PLEKHA7: variants seen among roughly 807,000 people sequenced by gnomAD.
PLEKHA7 encodes the protein pleckstrin homology domain-containing family A member 7.
PLEKHA7 carries 104 observed loss-of-function variants against 170.0 expected under a neutral mutation model. The observed-to-expected ratio is 0.61, with a 90% CI of 0.52 to 0.72. PLEKHA7 has a LOEUF of 0.72. PLEKHA7 is among the 30% of genes least tolerant of loss of function. The probability of loss-of-function intolerance (pLI) is 0.00; values close to 1 mark genes in which losing one functional copy is unlikely to be tolerated. For missense variants in PLEKHA7, 1,615 were observed against 1,671.7 expected (o/e 0.97, Z 0.59); for synonymous variants, 648 against 660.8 (o/e 0.98, Z 0.30).
chr11:16,822,783 G>A (rs1449544553), intron 10 of PLEKHA7, among the ~76,000 whole-genome samples: 1 of 152,130 alleles, frequency 6.6e-6, no homozygotes, highest in South Asian at 2.1e-4. Flanking sequence ...ATCACTGGGG[G>A]AAGAGGGATA....
intron 17 of PLEKHA7, among the ~76,000 whole-genome samples, chr11:16,797,057 A>T (rs1455181044): frequency 6.8e-6 from 1 of 146,972 alleles, no homozygotes; most frequent in African/African-American, 2.7e-5. Flanking sequence ...ATATCAATTA[A>T]AAAAAAATTA....
intron 3 of PLEKHA7, among the ~76,000 whole-genome samples, chr11:16,952,729 T>C (rs1478102797): frequency 6.6e-6 from 1 of 152,226 alleles, no homozygotes; most frequent in African/African-American, 2.4e-5. Context: ...CCCCAAAATC[T>C]GAAATCTAAA....
At chr11:17,007,246 A>G (rs954303876) in intron 3 of PLEKHA7, among the ~76,000 whole-genome samples, 20 of 152,224 alleles carry the variant, frequency 1.3e-4, no homozygotes, top group African/African-American at 4.8e-4. Flanking sequence ...TATATTCTAC[A>G]ATATAGAAAT....
At chr11:16,954,916 T>C (rs1326038437) in intron 3 of PLEKHA7, among the ~76,000 whole-genome samples, 1 of 152,068 alleles carries the variant, frequency 6.6e-6, no homozygotes, top group African/African-American at 2.4e-5. Flanking sequence ...GGTCTCAAAC[T>C]CCTGACCTCG....
intron 6 of PLEKHA7, among the ~76,000 whole-genome samples, chr11:16,853,835 G>C (rs909980745): frequency 2.3e-4 from 35 of 152,292 alleles, no homozygotes; most frequent in Non-Finnish European, 4.4e-4. Flanking sequence ...AGCTGCCATG[G>C]GGCCAGAGCT....
intron 3 of PLEKHA7, among the ~76,000 whole-genome samples, chr11:16,948,641 G>A (rs1861203945): frequency 1.1e-5 from 1 of 94,202 alleles, no homozygotes; most frequent in Non-Finnish European, 2.4e-5. Flanking sequence ...CACACAGAGT[G>A]AAGGAGGAAC....
At chr11:16,819,227 A>G (rs1850023522) in intron 10 of PLEKHA7, among the ~76,000 whole-genome samples, 1 of 152,118 alleles carries the variant, frequency 6.6e-6, no homozygotes, top group African/African-American at 2.4e-5. Flanking sequence ...CCTCCTGAGT[A>G]GCTGGGACTA....
intron 3 of PLEKHA7, among the ~76,000 whole-genome samples, chr11:16,962,109 C>T (rs761102016): frequency 1.3e-5 from 2 of 152,336 alleles, no homozygotes; most frequent in East Asian, 3.9e-4. Flanking sequence ...GTGCCCTGTG[C>T]TTCAGATGAG....
At chr11:16,973,155 T>G (rs1454421933) in intron 3 of PLEKHA7, among the ~76,000 whole-genome samples, 1 of 152,240 alleles carries the variant, frequency 6.6e-6, no homozygotes, top group Non-Finnish European at 1.5e-5. Flanking sequence ...TGTACTTTTA[T>G]GTACTTTATG....
At chr11:16,927,106 T>G (rs1319832718) in intron 3 of PLEKHA7, among the ~76,000 whole-genome samples, 1 of 152,150 alleles carries the variant, frequency 6.6e-6, no homozygotes, top group African/African-American at 2.4e-5. Context: ...GGGAATGGCT[T>G]GAGCCCAGGA....
chr11:16,813,355 C>T (rs550697988), intron 12 of PLEKHA7, 189 bp from the exon 13 acceptor site: 10 of 465,052 alleles, frequency 2.2e-5, no homozygotes, highest in Middle Eastern at 3.0e-4. Flanking sequence ...TTCAGCAGGG[C>T]GGATCTTGCA....
chr11:17,014,271 G>A lies in PLEKHA7; in HGVS notation c.86+45C>T, dbSNP rs1164931482. The A allele has an allele frequency of 5.8e-5, 43 of 736,542 alleles. 1 individual carries two copies. The East Asian group carries it at 1.5e-3, about 25-fold the overall frequency. The allele number at this position is 736,542 out of a possible 1,614,324, so 45.6% of individuals were successfully genotyped here. A position where few individuals can be genotyped will look rare whatever the true frequency, so the allele number is the denominator to read the frequency against. On this transcript the variant is annotated intron_variant, in intron 1 of 26. Transcript: ENST00000531066. ...GGGTGCCCGCCCGGCCCCCGCCCCCGCGCCCCCACCCGCGTCCCCGCGTCC... is the reference window on the plus strand; with the variant it reads ...GGGTGCCCGCCCGGCCCCCGCCCCCACGCCCCCACCCGCGTCCCCGCGTCC...
At chr11:16,855,503 T>G (rs1853361881) in intron 5 of PLEKHA7, 1 of 355,616 alleles carries the variant, frequency 2.8e-6, no homozygotes, top group Admixed American at 4.5e-5. Context: ...CTCTCCAGGC[T>G]TGCTTTAACA....
At chr11:16,837,043 C>T (rs58555284) in intron 9 of PLEKHA7, among the ~76,000 whole-genome samples, 24,447 of 152,022 alleles carry the variant, frequency 0.16, 2,389 homozygotes, top group African/African-American at 0.27. Context: ...AGGCTGGTCT[C>T]GAACTCCTGA....
At chr11:16,955,497 A>C (rs1461658724) in intron 3 of PLEKHA7, among the ~76,000 whole-genome samples, 2 of 152,228 alleles carry the variant, frequency 1.3e-5, no homozygotes, top group African/African-American at 4.8e-5. Flanking sequence ...CATTTAGTAT[A>C]GTGCCTGGCA....
intron 3 of PLEKHA7, among the ~76,000 whole-genome samples, chr11:16,888,871 A>G (rs1218170099): frequency 0.059 from 5,176 of 88,180 alleles, no homozygotes; most frequent in Middle Eastern, 0.085. Context: ...AAAATTAAAA[A>G]AATTAAAAAA....
At chr11:16,922,835 G>A (rs1035508608) in intron 3 of PLEKHA7, among the ~76,000 whole-genome samples, 13 of 152,130 alleles carry the variant, frequency 8.5e-5, no homozygotes, top group African/African-American at 3.1e-4. Flanking sequence ...TGGTGCAGAG[G>A]AGAGACAGGC....
At chr11:16,894,531 G>T (rs1429574234) in intron 3 of PLEKHA7, among the ~76,000 whole-genome samples, 2 of 152,218 alleles carry the variant, frequency 1.3e-5, no homozygotes, top group South Asian at 4.1e-4. Flanking sequence ...CAGGAGAGAG[G>T]TATCAAATAG....
chr11:16,864,920 C>T (rs368884774), intron 4 of PLEKHA7, among the ~76,000 whole-genome samples: 1 of 152,124 alleles, frequency 6.6e-6, no homozygotes, highest in Non-Finnish European at 1.5e-5. Context: ...ATTAATCTGA[C>T]ACCTGCCTTT....
Sources: gnomAD v4.1 joint callset for allele counts (sites outside exome capture counted in the v4.1 genomes callset) on GRCh38, gnomAD v4.1.1 for gene constraint, MANE v1.5 for transcripts, NCBI Gene and HGNC (gene_info 2026-07-23, HGNC 2026-07-21) for gene names.